ITIH2: variants seen among roughly 807,000 people sequenced by gnomAD.
The protein encoded by ITIH2 is inter-alpha-trypsin inhibitor heavy chain H2.
A neutral mutation model predicts 104.4 loss-of-function variants in ITIH2; 103 were observed. The observed-to-expected ratio is 0.99, with a 90% CI of 0.84 to 1.16. The LOEUF (loss-of-function observed/expected upper bound fraction) is 1.16. Among genes scored for constraint, ITIH2 ranks in the 50% most tolerant of loss-of-function variants. The pLI is 0.00. For missense variants in ITIH2, 1,108 were observed against 1,162.4 expected, an observed-to-expected ratio of 0.95 and a Z score of 0.68; for synonymous variants, 436 against 435.4, an observed-to-expected ratio of 1.00 and a Z score of -0.02.
intron 20 of ITIH2, among the ~76,000 whole-genome samples, chr10:7,748,582 C>T (rs1217900691): frequency 4.5e-5 from 5 of 111,260 alleles, no homozygotes; most frequent in Non-Finnish European, 8.5e-5. Context: ...TGCTCTGTCG[C>T]CCAGGCTGGA....
Position 7,740,117 on chromosome 10 carries a change from C to T in ITIH2, c.2095+1359C>T, listed in dbSNP as rs113864245. 2.3e-3 allele frequency among the ~76,000 whole-genome samples: 355 copies of T among 151,964 alleles called. 2 individuals carry two copies. The highest frequency in any genetic ancestry group is 8.2e-3 in the African/African-American group (339 of 41,424). On this transcript the variant is annotated intron_variant, in intron 16 of 20. Coordinates refer to ENST00000358415, the MANE Select transcript of ITIH2 (RefSeq NM_002216.3). ...AGGAGAATTGCTTGCACCTGGGAGG[C>T]GGAGGTTGTAGTGAGCTGAGATCAT... is the stretch of plus-strand genomic sequence containing the variant.
At chr10:7,735,231 C>A in intron 15 of ITIH2, 140 bp downstream of exon 15, 1 of 666,112 alleles carries the variant, frequency 1.5e-6, no homozygotes, top group Non-Finnish European at 2.4e-6. Context: ...CCAAGCTCTT[C>A]CTGCCAGCTG....
At chr10:7,706,481 A>G (rs1433241954) in intron 2 of ITIH2, among the ~76,000 whole-genome samples, 4 of 152,166 alleles carry the variant, frequency 2.6e-5, no homozygotes, top group African/African-American at 9.7e-5. Context: ...AAAAGCATAG[A>G]ATTTTCTAGG....
At chr10:7,713,314 T>A in intron 5 of ITIH2, 29 bp downstream of exon 5, 1 of 1,552,914 alleles carries the variant, frequency 6.4e-7, no homozygotes, top group Non-Finnish European at 8.9e-7. Context: ...AGGCTTGCCC[T>A]TGCCTCTCAA....
At chr10:7,734,078 G>A (rs1341567067) in intron 14 of ITIH2, among the ~76,000 whole-genome samples, 4 of 152,128 alleles carry the variant, frequency 2.6e-5, no homozygotes, top group East Asian at 3.9e-4. Context: ...GTGAGTAGGT[G>A]GAGCACAGAG....
chr10:7,704,692 G>T (rs1159775485), intron 1 of ITIH2, among the ~76,000 whole-genome samples: 1 of 152,136 alleles, frequency 6.6e-6, no homozygotes, highest in Non-Finnish European at 1.5e-5. Flanking sequence ...ATATACTAAA[G>T]AAATCATTTT....
chr10:7,738,821 G>A lies in ITIH2; in HGVS notation c.2095+63G>A. ...GCCGACCATAATCCTGGGAAGCATT[G>A]TGTGCATGAGGCCAGGTGCAGCGGC... On this transcript the variant is annotated intron_variant, in intron 16 of 20. Coordinates refer to ENST00000358415, the MANE Select transcript of ITIH2 (RefSeq NM_002216.3). The A allele has an allele frequency of 2.7e-6, 4 of 1,496,440 alleles. No homozygotes were observed. In the East Asian group the frequency reaches 1.0e-4, roughly 38 times the overall value. 92.7% of individuals were successfully genotyped at this position (1,496,440 alleles called of 1,614,324 possible). A position where few individuals can be genotyped will look rare whatever the true frequency, so the allele number is the denominator to read the frequency against.
chr10:7,730,864 TTTAA>T (rs1208620930), intron 12 of ITIH2, among the ~76,000 whole-genome samples: 1 of 152,120 alleles, frequency 6.6e-6, no homozygotes, highest in Non-Finnish European at 1.5e-5. Flanking sequence ...TTTGTAAAAA[TTTAA>T]TTATTACTAT....
Position 7,717,677 on chromosome 10 carries a change from A to G in ITIH2, c.519A>G (p.Pro173=). ...TCAGAACGGAAGTAAATGTCCTCCC[A>G]GGAGCAAAGGTGCAGTTCGAACTTC... ...ENFRTEVNVL[P]GAKVQFELHY... is the part of the protein sequence containing the mutation. The change falls in exon 6 of 21, where the codon CCA becomes CCG. Residue 173 remains proline, a synonymous_variant. Coordinates refer to ENST00000358415, the MANE Select transcript of ITIH2 (RefSeq NM_002216.3). The G allele has an allele frequency of 6.2e-7, 1 of 1,613,936 alleles. No homozygotes were observed. The highest frequency in any genetic ancestry group is 2.2e-5 in the East Asian group (1 of 44,884).
intron 17 of ITIH2, among the ~76,000 whole-genome samples, chr10:7,743,621 T>C (rs990147236): frequency 3.8e-4 from 57 of 151,872 alleles, no homozygotes; most frequent in African/African-American, 1.4e-3. Flanking sequence ...CTACTAAAAA[T>C]ACAAAAACAA....
At chr10:7,717,843 C>G in intron 6 of ITIH2, 55 bp downstream of exon 6, 1 of 1,531,630 alleles carries the variant, frequency 6.5e-7, no homozygotes, top group East Asian at 2.3e-5. Flanking sequence ...AGTCTCTGAC[C>G]CTGATTTATA....
At position 7,717,711 on chromosome 10, in the gene ITIH2, G is replaced by C; in HGVS notation, c.553G>C (p.Glu185Gln). ...AKVQFELHYQ[E>Q]VKWRKLGSYE... is the part of the protein sequence containing the mutation. The stretch of plus-strand genomic sequence containing the variant: ...GGTGCAGTTCGAACTTCACTACCAG[G>C]AGGTGAAGTGGAGGAAGCTGGGCTC... The change falls in exon 6 of 21, where the codon GAG becomes CAG. Residue 185 changes from glutamate (E) to glutamine (Q), a missense_variant. Glu to Gln is a conservative substitution (Grantham distance 29, BLOSUM62 2). Coordinates refer to ENST00000358415, the MANE Select transcript of ITIH2 (RefSeq NM_002216.3). 3 of 1,613,580 alleles carry C rather than the reference G, an allele frequency of 1.9e-6. No homozygotes were observed. Among genetic ancestry groups the C allele is most frequent in the Non-Finnish European group, 1.7e-6 (2 of 1,179,982 alleles).
intron 4 of ITIH2, 39 bp from the exon 5 acceptor site, chr10:7,713,142 A>T: frequency 6.7e-7 from 1 of 1,482,390 alleles, no homozygotes; most frequent in Non-Finnish European, 9.4e-7. Flanking sequence ...AAAAAAGATT[A>T]CTATTCTGAC....
At chr10:7,727,972 G>T in intron 11 of ITIH2, 144 bp downstream of exon 11, 1 of 954,802 alleles carries the variant, frequency 1.0e-6, no homozygotes, top group East Asian at 2.7e-5. Flanking sequence ...GAGGTCTTCT[G>T]ATCCTGCAGC....
intron 5 of ITIH2, among the ~76,000 whole-genome samples, chr10:7,715,356 G>C (rs1408238543): frequency 6.6e-6 from 1 of 152,170 alleles, no homozygotes; most frequent in Non-Finnish European, 1.5e-5. Context: ...GGGAGTTGGA[G>C]GTTGCAGTGA....
chr10:7,735,666 TTTC>T (rs1835048041), intron 15 of ITIH2, among the ~76,000 whole-genome samples: 1 of 146,912 alleles, frequency 6.8e-6, no homozygotes, highest in Non-Finnish European at 1.5e-5. Flanking sequence ...TTTCTTTTCT[TTTC>T]TTTTCTTTTT....
chr10:7,727,886 G>C (rs1171692318), intron 11 of ITIH2, 58 bp downstream of exon 11: 12 of 1,596,500 alleles, frequency 7.5e-6, no homozygotes, highest in Non-Finnish European at 1.0e-5. Context: ...TCTTGGAATG[G>C]TGGTTTGCCT....
At chr10:7,721,458 G>A (rs2277227) in intron 7 of ITIH2, among the ~76,000 whole-genome samples, 191 bp from the exon 8 acceptor site, 70,712 of 152,040 alleles carry the variant, frequency 0.47, 18,771 homozygotes, top group Non-Finnish European at 0.59. Context: ...CTTGCAAACA[G>A]CATGGCAGGC....
At position 7,705,162 on chromosome 10, in the gene ITIH2, G is replaced by A. The variant is rs146658749; in HGVS notation, c.139G>A (p.Ala47Thr). Residue 47 changes from alanine to threonine, a missense_variant, in exon 2 of 21, where the codon GCA (alanine) becomes ACA (threonine). Coordinates refer to ENST00000358415, the MANE Select transcript of ITIH2 (RefSeq NM_002216.3). ...GGCCCCAGGCAAATTTCAATTGGTGGCAGAGAACCGGAGATATCAGGTATA... is the reference window on the plus strand; with the variant it reads ...GGCCCCAGGCAAATTTCAATTGGTGACAGAGAACCGGAGATATCAGGTATA... ...ELAPGKFQLVAENRRYQRSLP... is the reference protein window; with the variant it reads ...ELAPGKFQLVTENRRYQRSLP... The A allele has an allele frequency of 4.9e-5, 79 of 1,611,450 alleles. No homozygotes were observed. In the African/African-American group the frequency reaches 8.4e-4, roughly 17 times the overall value.
Sources: gnomAD v4.1 joint callset for allele counts (sites outside exome capture counted in the v4.1 genomes callset) on GRCh38, gnomAD v4.1.1 for gene constraint, MANE v1.5 for transcripts, NCBI Gene and HGNC (gene_info 2026-07-23, HGNC 2026-07-21) for gene names.